Variants in BICDL1 observed in about 807,000 individuals in gnomAD.
BICDL1 encodes the protein BICD family-like cargo adapter 1.
A neutral mutation model predicts 76.8 loss-of-function variants in BICDL1; 20 were observed. The ratio of observed to expected loss-of-function variants is 0.26; its 90% confidence interval spans 0.18 to 0.38. BICDL1 has a LOEUF of 0.38. Ranked by LOEUF, BICDL1 falls within the 10% of genes least tolerant of loss-of-function variation. The pLI is 1.00. For synonymous variants in BICDL1, 383 were observed against 337.1 expected, an observed-to-expected ratio of 1.14 and a Z score of -1.49; for missense variants, 700 against 798.6, an observed-to-expected ratio of 0.88 and a Z score of 1.49.
rs1873938640 is a variant in BICDL1 at position 120,081,135 on chromosome 12, C to A, written c.1583+118C>A. 8 of 1,044,424 alleles carry A rather than the reference C, an allele frequency of 7.7e-6. 1 individual carries two copies. Among genetic ancestry groups the A allele is most frequent in the Non-Finnish European group, 9.5e-6 (7 of 737,306 alleles). The allele number at this position is 1,044,424 out of a possible 1,614,324, so 64.7% of individuals were successfully genotyped here. ...GAATACAAAGGTAAAAGTTAGTTTC[C>A]CCGCTACCCACCCCCACCCCCACCC... On this transcript the variant is annotated intron_variant, in intron 8 of 9. Coordinates refer to ENST00000548673, the MANE Select transcript of BICDL1 (RefSeq NM_001367886.1).
intron 2 of BICDL1, among the ~76,000 whole-genome samples, chr12:120,038,573 G>T (rs1952571419): frequency 6.6e-6 from 1 of 151,404 alleles, no homozygotes. Flanking sequence ...TTTCATTGTT[G>T]GTTTTCTTTA....
At chr12:120,009,953 G>A (rs763791228) in intron 2 of BICDL1, among the ~76,000 whole-genome samples, 4 of 152,206 alleles carry the variant, frequency 2.6e-5, no homozygotes, top group Non-Finnish European at 5.9e-5. Context: ...GGTCTATCTG[G>A]ACCAGTGGTT....
intron 4 of BICDL1, among the ~76,000 whole-genome samples, chr12:120,070,574 A>G (rs1377163964): frequency 6.6e-6 from 1 of 152,236 alleles, no homozygotes; most frequent in Non-Finnish European, 1.5e-5. Flanking sequence ...CAGTACTATT[A>G]TACCAAAAAA....
At chr12:120,080,833 G>A (rs1873911343) in intron 7 of BICDL1, 54 bp from the exon 8 acceptor site, 3 of 1,594,218 alleles carry the variant, frequency 1.9e-6, no homozygotes. Flanking sequence ...TTCCCTCTTG[G>A]AGGGAAAACC....
intron 2 of BICDL1, among the ~76,000 whole-genome samples, chr12:120,017,239 A>G (rs1952084484): frequency 6.6e-6 from 1 of 152,180 alleles, no homozygotes; most frequent in Admixed American, 6.5e-5. Flanking sequence ...CAACACAGGG[A>G]TTGAGTAATA....
intron 9 of BICDL1, chr12:120,092,336 G>T (rs190185235): frequency 1.0e-6 from 1 of 985,350 alleles, no homozygotes; most frequent in Admixed American, 6.1e-5. Context: ...ACCCCAGTGA[G>T]GAAGCTGAAA....
chr12:120,061,557 C>T, intron 2 of BICDL1, 153 bp from the exon 3 acceptor site: 1 of 677,286 alleles, frequency 1.5e-6, no homozygotes, highest in Non-Finnish European at 2.7e-6. Context: ...CTGTTTTGGA[C>T]TAGAGAACAA....
intron 3 of BICDL1, 51 bp downstream of exon 3, chr12:120,061,877 G>A (rs1039844971): frequency 4.3e-6 from 6 of 1,388,134 alleles, no homozygotes; most frequent in Non-Finnish European, 6.1e-6. Context: ...TTTCTCACTG[G>A]GAGACAAAAA....
chr12:120,092,870 T>G, intron 9 of BICDL1, 130 bp from the exon 10 acceptor site: 1 of 1,447,818 alleles, frequency 6.9e-7, no homozygotes, highest in East Asian at 2.6e-5. Flanking sequence ...GTCAGGGCAG[T>G]CCCGGCTGCA....
At chr12:120,034,080 A>G (rs969222594) in intron 2 of BICDL1, among the ~76,000 whole-genome samples, 1 of 152,230 alleles carries the variant, frequency 6.6e-6, no homozygotes, top group Non-Finnish European at 1.5e-5. Context: ...GAAAGTTTTC[A>G]CAAGTAACTT....
chr12:120,053,421 AGAGCCCTT>A (rs1952906988), intron 2 of BICDL1, among the ~76,000 whole-genome samples: 1 of 152,184 alleles, frequency 6.6e-6, no homozygotes, highest in Non-Finnish European at 1.5e-5. Flanking sequence ...GTAAGGGAGA[AGAGCCCTT>A]TTCCCCGTTT....
Position 119,989,687 on chromosome 12 carries a change from C to CGCCGGCGCGGGGGAGGGGCGG in BICDL1, c.-172_-152dup, listed in dbSNP as rs1433237362. Among the ~76,000 whole-genome samples the CGCCGGCGCGGGGGAGGGGCGG allele has an allele frequency of 4.1e-5, 6 of 146,266 alleles. No individual in the cohort carries two copies. The highest frequency in any genetic ancestry group is 6.1e-5 in the Non-Finnish European group (4 of 65,872). On this transcript the variant is annotated 5_prime_UTR_variant, in exon 1 of 10. Transcript: ENST00000548673. The stretch of plus-strand genomic sequence containing the variant: ...CGGGGGCGGGGGAGGGGGCGCGTGC[C>CGCCGGCGCGGGGGAGGGGCGG]GCCGGCGCGGGGGAGGGGCGGGCCG...
intron 2 of BICDL1, among the ~76,000 whole-genome samples, chr12:120,009,006 T>G (rs1951903125): frequency 6.6e-6 from 1 of 151,920 alleles, no homozygotes; most frequent in Non-Finnish European, 1.5e-5. Flanking sequence ...CTTTTCTTTT[T>G]GAGATGGAGT....
In BICDL1 at chr12:119,989,865, G is replaced by A; in HGVS notation, c.-4G>A. 2.9e-6 allele frequency: 4 copies of A among 1,395,714 alleles called. No homozygotes were observed. The highest frequency in any genetic ancestry group is 3.5e-5 in the Admixed American group (1 of 28,408). The allele number at this position is 1,395,714 out of a possible 1,614,324, so 86.5% of individuals were successfully genotyped here. On this transcript the variant is annotated 5_prime_UTR_variant, in exon 1 of 10. Coordinates refer to ENST00000548673, the MANE Select transcript of BICDL1 (RefSeq NM_001367886.1). ...CACCGCTGCGGGCTCCGCGCGCGCGGGCCATGTCCGCTTTCTGCCTGGGCT... is the reference window on the plus strand; with the variant it reads ...CACCGCTGCGGGCTCCGCGCGCGCGAGCCATGTCCGCTTTCTGCCTGGGCT...
chr12:119,995,560 T>A (rs74645020), intron 1 of BICDL1, among the ~76,000 whole-genome samples: 1 of 152,378 alleles, frequency 6.6e-6, no homozygotes, highest in African/African-American at 2.4e-5. Flanking sequence ...CTGTGATTAC[T>A]GAGTTCTTGC....
intron 2 of BICDL1, among the ~76,000 whole-genome samples, chr12:120,044,058 A>G (rs1402892386): frequency 4.6e-5 from 7 of 152,220 alleles, no homozygotes; most frequent in African/African-American, 1.4e-4. Context: ...TTATCAGGTG[A>G]AAATTTGAGG....
At chr12:120,076,666 C>T (rs534111607) in intron 7 of BICDL1, among the ~76,000 whole-genome samples, 4 of 152,300 alleles carry the variant, frequency 2.6e-5, no homozygotes, top group African/African-American at 7.2e-5. Flanking sequence ...TCATGTCCCA[C>T]GCGGGGTATA....
chr12:120,093,355 C>A lies in BICDL1; in HGVS notation c.*194C>A. ...TAGAGGTGGGGGCCTGCCTTGGCCA[C>A]TGAAGGCTTCCCTTGGCCCACCGCC... On this transcript the variant is annotated 3_prime_UTR_variant, in exon 10 of 10. Transcript: ENST00000548673. 1 of 655,794 alleles carries A rather than the reference C, an allele frequency of 1.5e-6. No homozygotes were observed. The highest frequency in any genetic ancestry group is 2.5e-6 in the Non-Finnish European group (1 of 394,794). 40.6% of individuals were successfully genotyped at this position (655,794 alleles called of 1,614,324 possible). A position where few individuals can be genotyped will look rare whatever the true frequency, so the allele number is the denominator to read the frequency against.
chr12:120,072,619 G>A lies in BICDL1; in HGVS notation c.1198G>A (p.Glu400Lys). ...CGTCTCCACGGACTCCTCCATGGAC[G>A]AGTCTTCAGAAACCTCGTCCGCCAA... ...SAVSTDSSMD[E>K]SSETSSAKDV... The change falls in exon 6 of 10, where the codon GAG becomes AAG. Residue 400 changes from glutamate to lysine, a missense_variant. Physicochemically the swap from Glu to Lys is moderately conservative, Grantham distance 56 (BLOSUM62 1). Transcript: ENST00000548673. 2 of 1,614,204 alleles carry A rather than the reference G, an allele frequency of 1.2e-6. No homozygotes were observed. Among genetic ancestry groups the A allele is most frequent in the Non-Finnish European group, 1.7e-6 (2 of 1,180,042 alleles).
Sources: gnomAD v4.1 joint callset for allele counts (sites outside exome capture counted in the v4.1 genomes callset) on GRCh38, gnomAD v4.1.1 for gene constraint, MANE v1.5 for transcripts, NCBI Gene and HGNC (gene_info 2026-07-23, HGNC 2026-07-21) for gene names.